Variants in SAP30BP observed in about 807,000 individuals in gnomAD.
SAP30BP encodes the protein SAP30-binding protein.
In SAP30BP, 31 loss-of-function variants were observed where a neutral mutation model predicts 46.3. The observed-to-expected ratio is 0.67, with a 90% CI of 0.50 to 0.90. SAP30BP has a LOEUF of 0.90. SAP30BP is among the 40% of genes least tolerant of loss of function. The pLI, the probability that SAP30BP is intolerant of heterozygous loss-of-function variation, is 0.00. For synonymous variants in SAP30BP, 169 were observed against 144.2 expected (o/e 1.17, Z -1.23); for missense variants, 312 against 391.0 (o/e 0.80, Z 1.70).
intron 3 of SAP30BP, among the ~76,000 whole-genome samples, chr17:75,682,692 A>C (rs147009034): frequency 2.6e-5 from 4 of 151,940 alleles, no homozygotes; most frequent in Non-Finnish European, 2.9e-5. Flanking sequence ...GGCTGGGCGC[A>C]GTGGCTCATG....
At chr17:75,699,580 A>G (rs968653407) in intron 4 of SAP30BP, among the ~76,000 whole-genome samples, 1 of 151,788 alleles carries the variant, frequency 6.6e-6, no homozygotes, top group African/African-American at 2.4e-5. Context: ...TCTTCTCCCA[A>G]GCTGGCACAT....
intron 9 of SAP30BP, 178 bp downstream of exon 9, chr17:75,704,992 C>T: frequency 1.7e-6 from 1 of 599,320 alleles, no homozygotes; most frequent in Non-Finnish European, 3.0e-6. Flanking sequence ...GTTCACGGCG[C>T]TCGTCTGCTG....
chr17:75,683,176 T>C (rs1472586027), intron 3 of SAP30BP, among the ~76,000 whole-genome samples: 1 of 150,488 alleles, frequency 6.6e-6, no homozygotes, highest in African/African-American at 2.4e-5. Flanking sequence ...CCCCAATAGC[T>C]GGGACTACAG....
chr17:75,691,690 G>A, intron 3 of SAP30BP: 2 of 340,666 alleles, frequency 5.9e-6, no homozygotes, highest in South Asian at 4.5e-5. Context: ...TTGGGGAAGG[G>A]TGAGTGGGGG....
intron 3 of SAP30BP, among the ~76,000 whole-genome samples, chr17:75,678,511 G>A (rs1186744061): frequency 6.6e-6 from 1 of 151,068 alleles, no homozygotes; most frequent in East Asian, 1.9e-4. Flanking sequence ...GGTGAGTTCT[G>A]GCCATGGATT....
In SAP30BP at chr17:75,706,162, A is replaced by G; in HGVS notation, c.745+70A>G. On this transcript the variant is annotated intron_variant, in intron 10 of 10. Transcript: ENST00000584667. The surrounding 1 kb of genome is among the most constrained non-coding windows in gnomAD (Gnocchi z 4.6). ...AGGGTCTCCCTGGCTTGTTTGGGCG[A>G]CAGACAGCACGTGGATCTGGGCCTG... 6.4e-7 allele frequency: 1 copy of G among 1,573,906 alleles called. No homozygotes were observed. Among genetic ancestry groups the G allele is most frequent in the Non-Finnish European group, 8.6e-7 (1 of 1,161,694 alleles).
In SAP30BP at chr17:75,706,176, G is replaced by A; in HGVS notation, c.745+84G>A. On this transcript the variant is annotated intron_variant, in intron 10 of 10. Transcript: ENST00000584667. This position sits in a 1 kb window ranked among gnomAD's most constrained non-coding sequence, Gnocchi z 4.6. ...TTGTTTGGGCGACAGACAGCACGTG[G>A]ATCTGGGCCTGGGCTCAGCCTTGCT... is the stretch of plus-strand genomic sequence containing the variant. 1 of 1,564,242 alleles carries A rather than the reference G, an allele frequency of 6.4e-7. No individual in the cohort carries two copies. Among genetic ancestry groups the A allele is most frequent in the Non-Finnish European group, 8.6e-7 (1 of 1,157,810 alleles).
At chr17:75,679,499 C>G (rs1389659362) in intron 3 of SAP30BP, 1 of 152,104 alleles carries the variant, frequency 6.6e-6, no homozygotes, top group Non-Finnish European at 1.5e-5. Flanking sequence ...TTTTATTGCT[C>G]TGATGTTTGG....
At chr17:75,685,860 C>T (rs775151556) in intron 3 of SAP30BP, among the ~76,000 whole-genome samples, 24 of 152,178 alleles carry the variant, frequency 1.6e-4, no homozygotes, top group Non-Finnish European at 2.2e-4. Context: ...TCCTGACACT[C>T]TGGGGATAAG....
chr17:75,672,931 C>G (rs1220922465), intron 3 of SAP30BP, among the ~76,000 whole-genome samples: 1 of 151,548 alleles, frequency 6.6e-6, no homozygotes, highest in African/African-American at 2.4e-5. Flanking sequence ...CCAATGCACT[C>G]CAACCTGGGC....
chr17:75,699,865 CT>C lies in SAP30BP; in HGVS notation c.392del (p.Leu131CysfsTer13). 2 of 1,611,460 alleles carry C rather than the reference CT, an allele frequency of 1.2e-6. No individual in the cohort carries two copies. Among genetic ancestry groups the C allele is most frequent in the Non-Finnish European group, 8.5e-7 (1 of 1,177,692 alleles). On this transcript the variant is annotated frameshift_variant, in exon 5 of 11. Transcript: ENST00000584667. LOFTEE classifies it high-confidence loss of function. ...PEPPGRCSNH[L>X]QDKIQKLYER... is the part of the protein sequence containing the mutation. ...AACCCCCTGGCAGATGTTCAAATCACTTGCAAGTAAGCATGAGACTCGGCTA... is the reference window on the plus strand; with the variant it reads ...AACCCCCTGGCAGATGTTCAAATCACTGCAAGTAAGCATGAGACTCGGCTA...
chr17:75,678,809 G>A (rs1048435779), intron 3 of SAP30BP, among the ~76,000 whole-genome samples: 2 of 152,226 alleles, frequency 1.3e-5, no homozygotes, highest in Non-Finnish European at 2.9e-5. Context: ...GTTGCGCTCT[G>A]GTGTTTGAAG....
intron 3 of SAP30BP, chr17:75,692,129 G>A (rs1250474263): frequency 5.5e-6 from 4 of 720,978 alleles, no homozygotes; most frequent in Non-Finnish European, 6.8e-6. Context: ...GCCCTGCCAG[G>A]TTGAATGAAT....
At chr17:75,701,259 TA>T (rs967675674) in intron 5 of SAP30BP, among the ~76,000 whole-genome samples, 4 of 152,200 alleles carry the variant, frequency 2.6e-5, no homozygotes, top group Non-Finnish European at 5.9e-5. Context: ...AATCTATATT[TA>T]ACCCCCACTG....
intron 3 of SAP30BP, chr17:75,693,129 A>G (rs2060264144): frequency 3.2e-6 from 1 of 317,294 alleles, no homozygotes; most frequent in Non-Finnish European, 6.0e-6. Flanking sequence ...CAGGCAGGGT[A>G]TACGTTGCCC....
At position 75,693,405 on chromosome 17, in the gene SAP30BP, A is replaced by C. The variant is rs189151105; in HGVS notation, c.265-35A>C. 7.5e-6 allele frequency: 12 copies of C among 1,594,980 alleles called. No homozygotes were observed. The South Asian group carries it at 1.3e-4, about 18-fold the overall frequency. The stretch of plus-strand genomic sequence containing the variant: ...AGAGAGTAGCTGGTTCAGGAGCCCC[A>C]GTCTTACCTCCTCGTATTTGTTTGT... On this transcript the variant is annotated intron_variant, in intron 3 of 10. Transcript: ENST00000584667.
In SAP30BP at chr17:75,706,500, T is replaced by C. The variant is rs376325673; in HGVS notation, c.906T>C (p.Ile302=). Reference sequence around the variant, plus strand: ...CCGTCATCTCTGCTGTGGGCACCATTGTGAAGAAGGCCAAGCAGTGACCTG... The same window carrying C: ...CCGTCATCTCTGCTGTGGGCACCATCGTGAAGAAGGCCAAGCAGTGACCTG... ...KTTVISAVGT[I]VKKAKQ Residue 302 remains isoleucine (I), a synonymous_variant, in exon 11 of 11, where the codon ATT becomes ATC. Transcript: ENST00000584667. This position sits in a 1 kb window ranked among gnomAD's most constrained non-coding sequence, Gnocchi z 4.6. 29 of 1,613,868 alleles carry C rather than the reference T, an allele frequency of 1.8e-5. No homozygotes were observed. The highest frequency in any genetic ancestry group is 2.3e-5 in the Non-Finnish European group (27 of 1,180,032).
At chr17:75,668,487 G>A in intron 1 of SAP30BP, 29 bp from the exon 2 acceptor site, 1 of 1,293,628 alleles carries the variant, frequency 7.7e-7, no homozygotes, top group East Asian at 2.5e-5. Flanking sequence ...CTTGCTTTTT[G>A]TTTGTTTGTT....
At position 75,706,272 on chromosome 17, in the gene SAP30BP, G is replaced by A; in HGVS notation, c.746-68G>A. Reference sequence around the variant, plus strand: ...CTGCTCCCTAGACTCCCGCTGGCCTGCAGGGGGAAGGGAAAGAGGGCACCG... The same window carrying A: ...CTGCTCCCTAGACTCCCGCTGGCCTACAGGGGGAAGGGAAAGAGGGCACCG... On this transcript the variant is annotated intron_variant, in intron 10 of 10. Coordinates refer to ENST00000584667, the MANE Select transcript of SAP30BP (RefSeq NM_013260.8). This position sits in a 1 kb window ranked among gnomAD's most constrained non-coding sequence, Gnocchi z 4.6. The A allele has an allele frequency of 6.4e-7, 1 of 1,563,316 alleles. No homozygotes were observed. The highest frequency in any genetic ancestry group is 8.7e-7 in the Non-Finnish European group (1 of 1,147,458).
Sources: gnomAD v4.1 joint callset for allele counts (sites outside exome capture counted in the v4.1 genomes callset) on GRCh38, gnomAD v4.1.1 for gene constraint, Gnocchi (gnomAD v3.1) non-coding constraint, MANE v1.5 for transcripts, NCBI Gene and HGNC (gene_info 2026-07-23, HGNC 2026-07-21) for gene names.